The following KCNIP4 variants were observed in gnomAD, a reference collection of about 807,000 sequenced individuals.
KCNIP4 encodes the protein potassium voltage-gated channel interacting protein 4, also known as Kv channel-interacting protein 4.
In KCNIP4, 12 loss-of-function variants were observed where a neutral mutation model predicts 34.0. The ratio of observed to expected loss-of-function variants is 0.35; its 90% CI spans 0.23 to 0.57. KCNIP4 has a LOEUF of 0.57. Among genes scored for constraint, KCNIP4 ranks in the 20% least tolerant of loss-of-function variants. The probability of loss-of-function intolerance (pLI) is 0.83; values close to 1 mark genes in which losing one functional copy is unlikely to be tolerated. For synonymous variants in KCNIP4, 124 were observed against 102.2 expected, an observed-to-expected ratio of 1.21 and a Z score of -1.29; for missense variants, 238 against 311.7, an observed-to-expected ratio of 0.76 and a Z score of 1.78.
chr4:21,380,652 C>A (rs1009849869), intron 1 of KCNIP4, among the ~76,000 whole-genome samples: 2 of 151,900 alleles, frequency 1.3e-5, no homozygotes, highest in Non-Finnish European at 2.9e-5. Flanking sequence ...ACAAAGTGGC[C>A]ATGAATGAAG....
rs540570949 is a variant in KCNIP4, at chr4:20,732,534, C to CTATT, written c.642+143_642+146dup. 7.6e-4 allele frequency: 499 copies of CTATT among 656,672 alleles called. 1 individual carries two copies. Among genetic ancestry groups the CTATT allele is most frequent in the Non-Finnish European group, 1.2e-3 (426 of 369,816 alleles). 40.7% of individuals were successfully genotyped at this position (656,672 alleles called of 1,614,324 possible). ...CAGCATTGTAAATTCAAAACCAAAG[C>CTATT]TATTAAATTAATAGGATGCTAAATA... On this transcript the variant is annotated intron_variant, in intron 7 of 8. Coordinates refer to ENST00000382152, the MANE Select transcript of KCNIP4 (RefSeq NM_025221.6).
intron 3 of KCNIP4, among the ~76,000 whole-genome samples, chr4:20,780,153 T>C (rs190500658): frequency 6.6e-6 from 1 of 152,250 alleles, no homozygotes; most frequent in East Asian, 1.9e-4. Context: ...ATCCCAAAGG[T>C]CTTGCTTGCA....
At chr4:21,335,567 G>A (rs1041910549) in intron 1 of KCNIP4, among the ~76,000 whole-genome samples, 9 of 152,116 alleles carry the variant, frequency 5.9e-5, no homozygotes, top group Non-Finnish European at 1.0e-4. Flanking sequence ...TTTTGCTAAG[G>A]CAGTTATTTT....
intron 1 of KCNIP4, among the ~76,000 whole-genome samples, chr4:20,967,991 G>A (rs933399247): frequency 1.3e-5 from 2 of 152,036 alleles, no homozygotes; most frequent in African/African-American, 2.4e-5. Flanking sequence ...GAGTGAACAG[G>A]CAACCTACAG....
In KCNIP4 at chr4:21,326,553, G is replaced by A. The variant is rs574039019; in HGVS notation, c.62-443844C>T. On this transcript the variant is annotated intron_variant, in intron 1 of 8. Coordinates refer to ENST00000382152, the MANE Select transcript of KCNIP4 (RefSeq NM_025221.6). ...GTATCTTGTAGACAACAGATCATTG[G>A]GTCTTGTTTTTTTGTTTATTTTATT... Among the ~76,000 whole-genome samples the A allele has an allele frequency of 6.7e-5, 10 of 149,550 alleles. No homozygotes were observed. In the East Asian group the frequency reaches 2.0e-3, roughly 30 times the overall value.
chr4:20,967,691 A>G lies in KCNIP4; in HGVS notation c.62-84982T>C, dbSNP rs115758872. 4.0e-3 allele frequency among the ~76,000 whole-genome samples: 612 copies of G among 152,324 alleles called. 5 individuals are homozygous for G. Among genetic ancestry groups the G allele is most frequent in the African/African-American group, 0.014 (587 of 41,580 alleles). ...ACAAGCAATGGGGAAGGGATTCCCT[A>G]TTTCACAAATGGTGCTGGTAAAACT... On this transcript the variant is annotated intron_variant, in intron 1 of 8. Coordinates refer to ENST00000382152, the MANE Select transcript of KCNIP4 (RefSeq NM_025221.6).
At chr4:20,792,272 G>A (rs530072277) in intron 3 of KCNIP4, among the ~76,000 whole-genome samples, 64 of 152,156 alleles carry the variant, frequency 4.2e-4, no homozygotes, top group Non-Finnish European at 5.7e-4. Context: ...TACTTGGGAG[G>A]CTGAGGCAGG....
rs139375997 is a variant in KCNIP4, at chr4:21,370,924, A to T, written c.62-488215T>A. Among the ~76,000 whole-genome samples, 1,204 of 126,198 alleles carry T rather than the reference A, an allele frequency of 9.5e-3. 52 individuals carry two copies. The highest frequency in any genetic ancestry group is 0.081 in the South Asian group (296 of 3,654). The allele number at this position is 126,198 out of a possible 152,430, so 82.8% of individuals were successfully genotyped here. On this transcript the variant is annotated intron_variant, in intron 1 of 8. Coordinates refer to ENST00000382152, the MANE Select transcript of KCNIP4 (RefSeq NM_025221.6). Reference sequence around the variant, plus strand: ...GTGTATTAGCAGAACATAGAAAAAGAAACTAGCAATGCAAGAGAGGAAAAG... The same window carrying T: ...GTGTATTAGCAGAACATAGAAAAAGTAACTAGCAATGCAAGAGAGGAAAAG...
intron 1 of KCNIP4, chr4:21,718,457 T>G (rs1714554969): frequency 6.6e-6 from 1 of 152,074 alleles, no homozygotes; most frequent in Non-Finnish European, 1.5e-5. Flanking sequence ...GTTTTTTTTG[T>G]TTTTTGTTTT....
At chr4:21,820,283 GTGTATATATATATATA>G (rs1233399728) in intron 1 of KCNIP4, among the ~76,000 whole-genome samples, 3,093 of 127,462 alleles carry the variant, frequency 0.024, 83 homozygotes, top group African/African-American at 0.051. Flanking sequence ...ATGTGTGTGT[GTGTATATATATATATA>G]TATATATATA....
chr4:21,365,902 A>T (rs1428598172), intron 1 of KCNIP4, among the ~76,000 whole-genome samples: 2 of 152,198 alleles, frequency 1.3e-5, no homozygotes, highest in Non-Finnish European at 2.9e-5. Context: ...ACAAGTGTTA[A>T]TTTTTTATGC....
intron 8 of KCNIP4, chr4:20,731,712 G>GTA: frequency 1.0e-6 from 1 of 985,172 alleles, no homozygotes; most frequent in Non-Finnish European, 1.2e-6. Flanking sequence ...CAAATCTCAT[G>GTA]TATGTTTTAT....
At chr4:21,781,373 C>T (rs1383973852) in intron 1 of KCNIP4, among the ~76,000 whole-genome samples, 2 of 152,130 alleles carry the variant, frequency 1.3e-5, no homozygotes, top group African/African-American at 4.8e-5. Context: ...TTATAAATTA[C>T]CCGGTCTCAG....
In KCNIP4 at chr4:21,472,541, T is replaced by G. The variant is rs571112333; in HGVS notation, c.61+476030A>C. Among the ~76,000 whole-genome samples the G allele has an allele frequency of 5.9e-5, 9 of 152,290 alleles. No homozygotes were observed. The South Asian group carries it at 1.7e-3, about 28-fold the overall frequency. Reference sequence around the variant, plus strand: ...GTTTTATGTTAGATGATGAGGTTTTTGAGGGTAGTTTCCATGTTTGGAAAA... The same window carrying G: ...GTTTTATGTTAGATGATGAGGTTTTGGAGGGTAGTTTCCATGTTTGGAAAA... On this transcript the variant is annotated intron_variant, in intron 1 of 8. Transcript: ENST00000382152.
chr4:21,325,038 A>T (rs1468177420), intron 1 of KCNIP4, among the ~76,000 whole-genome samples: 2 of 151,524 alleles, frequency 1.3e-5, no homozygotes, highest in Non-Finnish European at 3.0e-5. Context: ...TATTTTCTGG[A>T]TTTATTTTTC....
intron 1 of KCNIP4, among the ~76,000 whole-genome samples, chr4:21,348,234 G>T (rs183853946): frequency 3.3e-5 from 5 of 152,256 alleles, no homozygotes; most frequent in Admixed American, 3.3e-4. Flanking sequence ...TAACTGAGAA[G>T]ATATATTATT....
chr4:21,434,249 A>G (rs1293383470), intron 1 of KCNIP4, among the ~76,000 whole-genome samples: 1 of 152,230 alleles, frequency 6.6e-6, no homozygotes, highest in Non-Finnish European at 1.5e-5. Flanking sequence ...CATAGATCTA[A>G]GGATACTGAT....
At chr4:20,824,767 GT>G (rs1717525533) in intron 3 of KCNIP4, among the ~76,000 whole-genome samples, 1 of 152,100 alleles carries the variant, frequency 6.6e-6, no homozygotes, top group African/African-American at 2.4e-5. Context: ...GAGATAGAAT[GT>G]TTCAGAATAG....
At chr4:20,884,274 A>G (rs1043041601) in intron 1 of KCNIP4, among the ~76,000 whole-genome samples, 89 of 152,318 alleles carry the variant, frequency 5.8e-4, no homozygotes, top group African/African-American at 2.0e-3. Flanking sequence ...TTTGTTACAT[A>G]GGTATACATG....
Sources: allele counts gnomAD v4.1 joint callset (sites outside exome capture counted in the v4.1 genomes callset), GRCh38; gene constraint gnomAD v4.1.1; transcripts MANE v1.5; gene names NCBI Gene and HGNC (gene_info 2026-07-23, HGNC 2026-07-21).